Variants in PKNOX2 observed in about 807,000 individuals in gnomAD.
The protein encoded by PKNOX2 is homeobox protein PKNOX2.
In PKNOX2, 14 loss-of-function variants were observed where a neutral mutation model predicts 53.1. The observed-to-expected ratio is 0.26, with a 90% CI of 0.17 to 0.41. The LOEUF (loss-of-function observed/expected upper bound fraction) is 0.41, where lower values mean the gene tolerates loss of function less well. Ranked by LOEUF, PKNOX2 falls within the 10% of genes least tolerant of loss-of-function variation. The probability of loss-of-function intolerance (pLI) is 1.00; values close to 1 mark genes in which losing one functional copy is unlikely to be tolerated. For missense variants in PKNOX2, 496 were observed against 602.8 expected, an observed-to-expected ratio of 0.82 and a Z score of 1.85; for synonymous variants, 257 against 242.8, an observed-to-expected ratio of 1.06 and a Z score of -0.54.
intron 10 of PKNOX2, 40 bp downstream of exon 10, chr11:125,411,905 G>C: frequency 6.2e-7 from 1 of 1,612,680 alleles, no homozygotes; most frequent in Non-Finnish European, 8.5e-7. Flanking sequence ...TCCCGGCATG[G>C]GGTATGAATA....
intron 3 of PKNOX2, among the ~76,000 whole-genome samples, chr11:125,336,807 T>C (rs1950456023): frequency 2.0e-5 from 3 of 147,294 alleles, no homozygotes; most frequent in African/African-American, 4.9e-5. Context: ...ATATATGCAG[T>C]ATTTTAAAAT....
chr11:125,208,019 T>C (rs679601), intron 1 of PKNOX2, among the ~76,000 whole-genome samples: 73,193 of 151,884 alleles, frequency 0.48, 18,474 homozygotes, highest in African/African-American at 0.57. Flanking sequence ...ATAGGACAAA[T>C]GTAAGTAGCT....
At chr11:125,269,958 T>C (rs1945663516) in intron 2 of PKNOX2, among the ~76,000 whole-genome samples, 1 of 152,252 alleles carries the variant, frequency 6.6e-6, no homozygotes, top group East Asian at 1.9e-4. Context: ...GTGCCAGGTG[T>C]TGTTGTGGGC....
intron 1 of PKNOX2, among the ~76,000 whole-genome samples, chr11:125,174,001 C>T (rs11219943): frequency 0.22 from 32,980 of 152,122 alleles, 4,207 homozygotes; most frequent in Non-Finnish European, 0.29. Context: ...CTTCCCCTCA[C>T]GGTCCTCAGT....
intron 1 of PKNOX2, among the ~76,000 whole-genome samples, chr11:125,180,622 G>A (rs540812204): frequency 6.6e-6 from 1 of 151,832 alleles, no homozygotes; most frequent in African/African-American, 2.4e-5. Flanking sequence ...CAAAGCCTCT[G>A]GGATTTACTC....
intron 5 of PKNOX2, among the ~76,000 whole-genome samples, chr11:125,377,993 G>C (rs535257283): frequency 6.6e-6 from 1 of 152,328 alleles, no homozygotes; most frequent in East Asian, 1.9e-4. Flanking sequence ...CCATCATCCA[G>C]GAGAAAATTT....
intron 2 of PKNOX2, among the ~76,000 whole-genome samples, chr11:125,323,855 T>C (rs983152210): frequency 6.7e-6 from 1 of 149,786 alleles, no homozygotes; most frequent in African/African-American, 2.4e-5. Flanking sequence ...GTTTCTGGGG[T>C]TGTGTGTGTG....
At chr11:125,274,854 G>A (rs796312755) in intron 2 of PKNOX2, among the ~76,000 whole-genome samples, 17 of 152,334 alleles carry the variant, frequency 1.1e-4, no homozygotes, top group African/African-American at 4.1e-4. Context: ...CCAAGTTGCT[G>A]CACATCCATG....
At chr11:125,194,611 C>A (rs1389040743) in intron 1 of PKNOX2, among the ~76,000 whole-genome samples, 1 of 152,114 alleles carries the variant, frequency 6.6e-6, no homozygotes, top group Non-Finnish European at 1.5e-5. Context: ...TTTGGTGAGC[C>A]CCTCACTGCA....
At chr11:125,227,717 G>T (rs977868579) in intron 1 of PKNOX2, among the ~76,000 whole-genome samples, 1 of 152,172 alleles carries the variant, frequency 6.6e-6, no homozygotes, top group Non-Finnish European at 1.5e-5. Flanking sequence ...TGCTTCAGTC[G>T]CCACTTTTGC....
chr11:125,255,736 C>T (rs538299284), intron 2 of PKNOX2, among the ~76,000 whole-genome samples: 26 of 151,886 alleles, frequency 1.7e-4, no homozygotes, highest in East Asian at 7.8e-4. Flanking sequence ...AGGTGGGGGA[C>T]GGGCTTTGTT....
At chr11:125,368,073 G>A (rs1206950750) in intron 5 of PKNOX2, 88 bp downstream of exon 5, 1 of 1,478,662 alleles carries the variant, frequency 6.8e-7, no homozygotes, top group Admixed American at 2.5e-5. Context: ...GCCAAAGGGT[G>A]GGCTCGGCAG....
intron 2 of PKNOX2, among the ~76,000 whole-genome samples, chr11:125,320,874 C>T (rs992973398): frequency 1.3e-5 from 2 of 152,174 alleles, no homozygotes; most frequent in African/African-American, 4.8e-5. Context: ...AACCACACAA[C>T]CTGCTTTGCC....
At chr11:125,394,802 C>T (rs896140582) in intron 6 of PKNOX2, among the ~76,000 whole-genome samples, 4 of 152,206 alleles carry the variant, frequency 2.6e-5, no homozygotes, top group Admixed American at 6.5e-5. Context: ...CCGCTCCTAG[C>T]GGTTACATTT....
intron 2 of PKNOX2, among the ~76,000 whole-genome samples, chr11:125,322,100 T>C (rs2136066149): frequency 6.6e-6 from 1 of 152,280 alleles, no homozygotes; most frequent in African/African-American, 2.4e-5. Context: ...GGGTGTGGTT[T>C]GCCAGCCCCT....
At chr11:125,329,742 C>T (rs1372170711) in intron 2 of PKNOX2, among the ~76,000 whole-genome samples, 1 of 152,108 alleles carries the variant, frequency 6.6e-6, no homozygotes, top group East Asian at 1.9e-4. Flanking sequence ...TAGAATCGGG[C>T]ATTGAGGGGA....
chr11:125,309,277 G>T (rs1948661957), intron 2 of PKNOX2, among the ~76,000 whole-genome samples: 1 of 146,074 alleles, frequency 6.8e-6, no homozygotes, highest in Non-Finnish European at 1.5e-5. Context: ...CACAACACTG[G>T]TACCAACTGA....
At chr11:125,288,543 G>A (rs1591513882) in intron 2 of PKNOX2, among the ~76,000 whole-genome samples, 1 of 152,280 alleles carries the variant, frequency 6.6e-6, no homozygotes, top group East Asian at 1.9e-4. Flanking sequence ...AGTCCTCATG[G>A]CCCATCGGCC....
intron 3 of PKNOX2, among the ~76,000 whole-genome samples, chr11:125,347,922 GC>G (rs1951069996): frequency 6.6e-6 from 1 of 152,156 alleles, no homozygotes; most frequent in Non-Finnish European, 1.5e-5. Context: ...TCTTGACTGT[GC>G]CCCCTTGAAT....
Sources: allele counts gnomAD v4.1 joint callset (sites outside exome capture counted in the v4.1 genomes callset), GRCh38; gene constraint gnomAD v4.1.1; transcripts MANE v1.5; gene names NCBI Gene and HGNC (gene_info 2026-07-23, HGNC 2026-07-21).